Variants in ZCWPW1 observed in about 807,000 individuals in gnomAD.
ZCWPW1 encodes the protein zinc finger CW-type PWWP domain protein 1.
Under a neutral mutation model 81.3 loss-of-function variants are expected in ZCWPW1, and 56 were observed. The ratio of observed to expected loss-of-function variants is 0.69; its 90% CI spans 0.56 to 0.86. ZCWPW1 has a LOEUF of 0.86. Ranked by LOEUF, ZCWPW1 falls within the 40% of genes least tolerant of loss-of-function variation. The pLI, the probability that ZCWPW1 is intolerant of heterozygous loss-of-function variation, is 0.00. For synonymous variants in ZCWPW1, 250 were observed against 273.7 expected, an observed-to-expected ratio of 0.91 and a Z score of 0.86; for missense variants, 650 against 769.8, an observed-to-expected ratio of 0.84 and a Z score of 1.84.
chr7:100,403,870 TCTAA>T, intron 14 of ZCWPW1, 85 bp from the exon 15 acceptor site: 1 of 1,350,042 alleles, frequency 7.4e-7, no homozygotes, highest in Non-Finnish European at 1.0e-6. Flanking sequence ...GAATCTGTCT[TCTAA>T]CTGTGCCTTT....
Position 100,401,085 on chromosome 7 carries a change from C to T in ZCWPW1, c.1879G>A (p.Gly627Arg). ...CTGTGCTGCAGCTCCCCGCTCTGCC[C>T]CAGCTCTCTCCCAACATCTTCCATG... ...QLMEDVGREL[G>R]QSGELQHSNS... Residue 627 changes from glycine (G) to arginine (R), a missense_variant, in exon 18 of 18, where the codon GGG becomes AGG. Coordinates refer to ENST00000684423, the MANE Select transcript of ZCWPW1 (RefSeq NM_001386010.1). 1.2e-6 allele frequency: 2 copies of T among 1,614,214 alleles called. No individual in the cohort carries two copies. Among genetic ancestry groups the T allele is most frequent in the Non-Finnish European group, 1.7e-6 (2 of 1,180,038 alleles).
rs917230947 is a variant in ZCWPW1 at position 100,400,873 on chromosome 7, C to T, written c.*141G>A. 1.0e-6 allele frequency: 1 copy of T among 962,328 alleles called. No homozygotes were observed. Among genetic ancestry groups the T allele is most frequent in the Non-Finnish European group, 1.5e-6 (1 of 676,436 alleles). 59.6% of individuals were successfully genotyped at this position (962,328 alleles called of 1,614,324 possible). On this transcript the variant is annotated 3_prime_UTR_variant, in exon 18 of 18. Transcript: ENST00000684423. ...GCAGTTAGAGACCAGCCAACCCAGTCGACTGTAACCTGCTTTATTAACACA... is the reference window on the plus strand; with the variant it reads ...GCAGTTAGAGACCAGCCAACCCAGTTGACTGTAACCTGCTTTATTAACACA...
chr7:100,420,555 A>G, intron 3 of ZCWPW1, 67 bp downstream of exon 3: 1 of 1,599,622 alleles, frequency 6.3e-7, no homozygotes, highest in South Asian at 1.1e-5. Context: ...CCTTTGGTGG[A>G]AAGGATGTCC....
rs558047588 is a variant in ZCWPW1, at chr7:100,420,825, C to G, written c.-29-147G>C. 3.8e-4 allele frequency: 260 copies of G among 692,584 alleles called. 1 individual carries two copies. In the African/African-American group the frequency reaches 4.3e-3, roughly 11 times the overall value. The allele number at this position is 692,584 out of a possible 1,614,324, so 42.9% of individuals were successfully genotyped here. On this transcript the variant is annotated intron_variant, in intron 2 of 17. Transcript: ENST00000684423. ...CTCCTCTGTGGTGCCAATTACACAC[C>G]AGGGAATAATGAGTTACTGTTTTAA...
At chr7:100,406,591 C>A (rs1793056447) in intron 12 of ZCWPW1, 103 bp downstream of exon 12, 1 of 1,106,470 alleles carries the variant, frequency 9.0e-7, no homozygotes, top group African/African-American at 1.6e-5. Context: ...TGGTCAGACA[C>A]AGAACTTTCT....
At chr7:100,422,047 C>T (rs1341370423) in intron 2 of ZCWPW1, among the ~76,000 whole-genome samples, 2 of 152,194 alleles carry the variant, frequency 1.3e-5, no homozygotes, top group Non-Finnish European at 2.9e-5. Context: ...TAATGGCTAA[C>T]ACTTATTGAG....
At position 100,409,428 on chromosome 7, in the gene ZCWPW1, C is replaced by T. The variant is rs199642636; in HGVS notation, c.871G>A (p.Asp291Asn). ...PDNWSCDQNT[D>N]VQYNRCDIPE... ...TGAAAACATTTCCAGTCTTTTCTACCTGTGTTCTGATCACAGGACCAATTA... is the reference window on the plus strand; with the variant it reads ...TGAAAACATTTCCAGTCTTTTCTACTTGTGTTCTGATCACAGGACCAATTA... The change falls in exon 9 of 18, where the codon GAT (aspartate) becomes AAT (asparagine). Residue 291 changes from aspartate to asparagine, a missense_variant and splice_region_variant. Transcript: ENST00000684423. 3.7e-4 allele frequency: 602 copies of T among 1,608,092 alleles called. No homozygotes were observed. Among genetic ancestry groups the T allele is most frequent in the Non-Finnish European group, 4.5e-4 (525 of 1,174,964 alleles).
chr7:100,419,548 GA>G (rs1795971961), intron 4 of ZCWPW1, 81 bp downstream of exon 4: 1 of 1,517,596 alleles, frequency 6.6e-7, no homozygotes, highest in Admixed American at 2.3e-5. Context: ...TCCCCAGTGT[GA>G]AAAGACTCTG....
Position 100,401,353 on chromosome 7 carries a change from CA to C in ZCWPW1, c.1628-18del, listed in dbSNP as rs769484577. The C allele has an allele frequency of 6.6e-7, 1 of 1,522,696 alleles. No homozygotes were observed. The highest frequency in any genetic ancestry group is 1.4e-5 in the African/African-American group (1 of 71,826). 94.3% of individuals were successfully genotyped at this position (1,522,696 alleles called of 1,614,324 possible). ...TCTTAGGGCCTAAATGAGAAGGTGA[CA>C]AAGCCAAGAGTCCTATTAGGTCAGC... On this transcript the variant is annotated intron_variant, in intron 17 of 17. Coordinates refer to ENST00000684423, the MANE Select transcript of ZCWPW1 (RefSeq NM_001386010.1).
chr7:100,427,435 C>T (rs887134835), intron 1 of ZCWPW1, among the ~76,000 whole-genome samples: 55 of 151,304 alleles, frequency 3.6e-4, no homozygotes, highest in African/African-American at 1.2e-3. Context: ...CACGGTGGCG[C>T]GTGCCTGTAA....
At chr7:100,417,018 A>T in intron 6 of ZCWPW1, 48 bp downstream of exon 6, 1 of 1,319,930 alleles carries the variant, frequency 7.6e-7, no homozygotes, top group African/African-American at 1.4e-5. Context: ...CTGACCATGA[A>T]TGTGTAGTCC....
chr7:100,417,423 T>C, intron 5 of ZCWPW1: 1 of 433,926 alleles, frequency 2.3e-6, no homozygotes, highest in Non-Finnish European at 4.1e-6. Flanking sequence ...TTTGTGTACA[T>C]AAAAAAATTA....
At chr7:100,428,476 A>C (rs1798176752) in intron 1 of ZCWPW1, 92 bp downstream of exon 1, 1 of 152,296 alleles carries the variant, frequency 6.6e-6, no homozygotes, top group African/African-American at 2.4e-5. Flanking sequence ...CCTGAAGCAC[A>C]TCTACTAACT....
intron 8 of ZCWPW1, among the ~76,000 whole-genome samples, chr7:100,415,214 C>T (rs1794992262): frequency 6.7e-6 from 1 of 149,168 alleles, no homozygotes; most frequent in Admixed American, 6.7e-5. Flanking sequence ...CTCCAAGTAA[C>T]TGAGACTACA....
chr7:100,401,949 G>C lies in ZCWPW1; in HGVS notation c.1567C>G (p.Pro523Ala), dbSNP rs1218238019. ...KRSLGRKSTA[P>A]PAPRMGRKEG... ...TTCCTTCCCATTCTGGGTGCAGGAG[G>C]AGCTGTGGATTTCCTGCCTAGAGAT... The change falls in exon 17 of 18, where the codon CCT (proline) becomes GCT (alanine). Residue 523 changes from proline to alanine, a missense_variant. Coordinates refer to ENST00000684423, the MANE Select transcript of ZCWPW1 (RefSeq NM_001386010.1). 43 of 1,614,070 alleles carry C rather than the reference G, an allele frequency of 2.7e-5. No individual in the cohort carries two copies. Among genetic ancestry groups the C allele is most frequent in the African/African-American group, 4.0e-5 (3 of 74,934 alleles).
chr7:100,407,095 T>C, intron 11 of ZCWPW1, 133 bp downstream of exon 11: 1 of 770,060 alleles, frequency 1.3e-6, no homozygotes, highest in Non-Finnish European at 2.1e-6. Flanking sequence ...TCTGTGTTTG[T>C]CATCCTAGTT....
chr7:100,426,530 T>C (rs73403312), intron 1 of ZCWPW1, among the ~76,000 whole-genome samples: 25,873 of 150,770 alleles, frequency 0.17, 2,339 homozygotes, highest in Non-Finnish European at 0.19. Context: ...TCAAATCTTT[T>C]TTAAGCCAGA....
At position 100,401,329 on chromosome 7, in the gene ZCWPW1, C is replaced by T; in HGVS notation, c.1635G>A (p.Lys545=). The change falls in exon 18 of 18, where the codon AAG becomes AAA. Residue 545 remains lysine (K), a synonymous_variant. Transcript: ENST00000684423. ...GNSDSDQPGP[K]KKFKAPQSKA... Reference sequence around the variant, plus strand: ...TGCTCTGGGGAGCTTTAAATTTTTTCTTAGGGCCTAAATGAGAAGGTGACA... The same window carrying T: ...TGCTCTGGGGAGCTTTAAATTTTTTTTTAGGGCCTAAATGAGAAGGTGACA... The T allele has an allele frequency of 6.5e-7, 1 of 1,545,820 alleles. No homozygotes were observed. Among genetic ancestry groups the T allele is most frequent in the Non-Finnish European group, 8.7e-7 (1 of 1,149,500 alleles).
At chr7:100,424,007 T>G (rs1273869192) in intron 2 of ZCWPW1, among the ~76,000 whole-genome samples, 2 of 149,352 alleles carry the variant, frequency 1.3e-5, no homozygotes, top group Non-Finnish European at 3.0e-5. Flanking sequence ...GAGGCGGAGG[T>G]TGCAGTGAGC....
Sources: gnomAD v4.1 joint callset for allele counts (sites outside exome capture counted in the v4.1 genomes callset) on GRCh38, gnomAD v4.1.1 for gene constraint, MANE v1.5 for transcripts, NCBI Gene and HGNC (gene_info 2026-07-23, HGNC 2026-07-21) for gene names.